The following GLRA1 variants were observed in gnomAD, a reference collection of about 807,000 sequenced individuals.
GLRA1 encodes the protein glycine receptor alpha 1.
In GLRA1, 37 loss-of-function variants were observed where a neutral mutation model predicts 48.3. That is an observed-to-expected ratio of 0.77 (90% confidence interval 0.59 to 1.01). The LOEUF is 1.01. GLRA1 is among the 50% of genes least tolerant of loss of function. The pLI, the probability that GLRA1 is intolerant of heterozygous loss-of-function variation, is 0.00. For missense variants in GLRA1, 427 were observed against 571.0 expected (o/e 0.75, Z 2.57); for synonymous variants, 196 against 210.7 (o/e 0.93, Z 0.60).
At chr5:151,837,387 T>G (rs1763603638) in intron 7 of GLRA1, among the ~76,000 whole-genome samples, 1 of 152,236 alleles carries the variant, frequency 6.6e-6, no homozygotes, top group Non-Finnish European at 1.5e-5. Flanking sequence ...GTTCAACCAT[T>G]GTGGAAGACA....
rs539033916 is a variant in GLRA1 at position 151,910,714 on chromosome 5, A to G, written c.56+13780T>C. ...GTCCTCTCCAACCTGCCCATCTCCT[A>G]TAATATAAGGCTTAAGGGAGATAAT... On this transcript the variant is annotated intron_variant, in intron 1 of 8. Transcript: ENST00000274576. 7.9e-5 allele frequency among the ~76,000 whole-genome samples: 12 copies of G among 152,310 alleles called. No individual in the cohort carries two copies. In the South Asian group the frequency reaches 2.5e-3, roughly 32 times the overall value.
intron 8 of GLRA1, among the ~76,000 whole-genome samples, chr5:151,825,924 G>C (rs1478255126): frequency 6.6e-6 from 1 of 152,110 alleles, no homozygotes; most frequent in Non-Finnish European, 1.5e-5. Flanking sequence ...CACCTCTAGG[G>C]TACAAATCAC....
intron 7 of GLRA1, among the ~76,000 whole-genome samples, chr5:151,841,103 AT>A (rs1449557728): frequency 6.6e-6 from 1 of 152,128 alleles, no homozygotes; most frequent in East Asian, 1.9e-4. Flanking sequence ...ACCATGGAGT[AT>A]TTTCAGAATA....
intron 3 of GLRA1, among the ~76,000 whole-genome samples, chr5:151,882,476 C>T (rs1041540642): frequency 3.3e-5 from 5 of 152,132 alleles, no homozygotes; most frequent in Admixed American, 6.5e-5. Flanking sequence ...TAGCAGTTTC[C>T]CAAAGCCACT....
At chr5:151,905,482 A>G (rs1267963033) in intron 1 of GLRA1, among the ~76,000 whole-genome samples, 2 of 151,984 alleles carry the variant, frequency 1.3e-5, no homozygotes, top group Non-Finnish European at 2.9e-5. Flanking sequence ...TTGCTCTCCC[A>G]CAATTGATAG....
At position 151,859,090 on chromosome 5, in the gene GLRA1, A is replaced by G. The variant is rs561960005; in HGVS notation, c.476+695T>C. Among the ~76,000 whole-genome samples, 99 of 152,368 alleles carry G rather than the reference A, an allele frequency of 6.5e-4. 1 individual carries two copies. In the South Asian group the frequency reaches 0.019, roughly 30 times the overall value. ...CATGGGGTTATTAGGAGGGCTGGAT[A>G]TAACACATGAAAAGTACCTGGCATA... On this transcript the variant is annotated intron_variant, in intron 4 of 8. Transcript: ENST00000274576.
intron 3 of GLRA1, among the ~76,000 whole-genome samples, chr5:151,879,817 G>A (rs548450014): frequency 3.6e-4 from 55 of 152,218 alleles, no homozygotes; most frequent in African/African-American, 1.3e-3. Context: ...ATGAGATTTG[G>A]GAGGGGCCAG....
At position 151,851,603 on chromosome 5, in the gene GLRA1, A is replaced by G. The variant is rs1316093645; in HGVS notation, c.699T>C (p.Gly233=). 7.5e-6 allele frequency: 12 copies of G among 1,609,744 alleles called. No homozygotes were observed. The highest frequency in any genetic ancestry group is 1.0e-5 in the Non-Finnish European group (12 of 1,176,146). ...ACCGGGCCTCAATGCAGGTGAATTT[A>G]CCTGCAAGAAATTGCAGTGAGAAGG... is the stretch of plus-strand genomic sequence containing the variant. ...LRYCTKHYNT[G]KFTCIEARFH... is the part of the protein sequence containing the mutation. The change falls in exon 7 of 9, where the codon GGT becomes GGC. Residue 233 remains glycine (G), a splice_region_variant and synonymous_variant. Transcript: ENST00000274576.
chr5:151,900,559 C>G, intron 1 of GLRA1, among the ~76,000 whole-genome samples: 1 of 152,186 alleles, frequency 6.6e-6, no homozygotes, highest in East Asian at 1.9e-4. Context: ...GGATGCCTGT[C>G]TCCATTTTAC....
intron 7 of GLRA1, among the ~76,000 whole-genome samples, chr5:151,832,532 G>A (rs948096070): frequency 6.6e-6 from 1 of 152,172 alleles, no homozygotes; most frequent in African/African-American, 2.4e-5. Context: ...AATCGATCAA[G>A]CGGAATAAAG....
At chr5:151,903,719 A>G (rs957373226) in intron 1 of GLRA1, among the ~76,000 whole-genome samples, 4 of 152,250 alleles carry the variant, frequency 2.6e-5, no homozygotes, top group Non-Finnish European at 5.9e-5. Context: ...ATTAACTGAG[A>G]ATAGCAAAGG....
intron 2 of GLRA1, among the ~76,000 whole-genome samples, chr5:151,887,851 T>C (rs1753954903): frequency 6.6e-6 from 1 of 151,546 alleles, no homozygotes; most frequent in South Asian, 2.1e-4. Flanking sequence ...GCAGCAGGAG[T>C]CCAGGTGAGA....
intron 7 of GLRA1, among the ~76,000 whole-genome samples, chr5:151,849,385 C>T (rs1752817695): frequency 3.7e-4 from 1 of 2,734 alleles, no homozygotes; most frequent in Non-Finnish European, 6.6e-4. Flanking sequence ...CGTTTCCTTT[C>T]CTTTCCTTTC....
intron 7 of GLRA1, among the ~76,000 whole-genome samples, chr5:151,845,382 A>G (rs1295020324): frequency 1.3e-5 from 2 of 152,234 alleles, no homozygotes; most frequent in Non-Finnish European, 2.9e-5. Flanking sequence ...ACAAATAACA[A>G]AAGTGAGCAA....
At chr5:151,908,946 G>C (rs1452209148) in intron 1 of GLRA1, among the ~76,000 whole-genome samples, 3 of 152,126 alleles carry the variant, frequency 2.0e-5, no homozygotes, top group South Asian at 4.1e-4. Flanking sequence ...AATTGCCAAG[G>C]TGCCCTAAAG....
rs1293766184 is a variant in GLRA1, at chr5:151,899,378, C to T, written c.57-6940G>A. Among the ~76,000 whole-genome samples, 6 of 152,098 alleles carry T rather than the reference C, an allele frequency of 3.9e-5. No individual in the cohort carries two copies. The East Asian group carries it at 1.2e-3, about 29-fold the overall frequency. On this transcript the variant is annotated intron_variant, in intron 1 of 8. Transcript: ENST00000274576. ...AGAAAGACCCAATATTTGCCATTTT[C>T]AAATTGTGTATTCAGGGGAGAAAGC...
intron 1 of GLRA1, among the ~76,000 whole-genome samples, chr5:151,896,041 C>G (rs963788434): frequency 7.9e-5 from 12 of 152,208 alleles, no homozygotes; most frequent in Admixed American, 7.8e-4. Context: ...CCTTAGGCCT[C>G]TCTCATAAGC....
chr5:151,848,998 A>G, intron 7 of GLRA1: 4 of 681,590 alleles, frequency 5.9e-6, no homozygotes, highest in East Asian at 2.9e-5. Flanking sequence ...GTACTGGAGA[A>G]GGATGGCGCT....
chr5:151,895,257 ATGTG>A, intron 1 of GLRA1, among the ~76,000 whole-genome samples: 1 of 152,146 alleles, frequency 6.6e-6, no homozygotes, highest in African/African-American at 2.4e-5. Context: ...TATATGTGAG[ATGTG>A]TGTGTATGTG....
Sources: allele counts gnomAD v4.1 joint callset (sites outside exome capture counted in the v4.1 genomes callset), GRCh38; gene constraint gnomAD v4.1.1; transcripts MANE v1.5; gene names NCBI Gene and HGNC (gene_info 2026-07-23, HGNC 2026-07-21).